The following C8orf34 variants were observed in gnomAD, a reference collection of about 807,000 sequenced individuals.
C8orf34 encodes chromosome 8 open reading frame 34.
Under a neutral mutation model 68.3 loss-of-function variants are expected in C8orf34, and 65 were observed. That is an observed-to-expected ratio of 0.95 (90% CI 0.78 to 1.17). The LOEUF (loss-of-function observed/expected upper bound fraction) is 1.17. C8orf34 is among the 50% of genes most tolerant of loss of function. The pLI, the probability that C8orf34 is intolerant of heterozygous loss-of-function variation, is 0.00. For synonymous variants in C8orf34, 244 were observed against 241.2 expected, an observed-to-expected ratio of 1.01 and a Z score of -0.11; for missense variants, 664 against 655.4, an observed-to-expected ratio of 1.01 and a Z score of -0.14.
At chr8:68,433,840 G>A (rs936098441) in intron 1 of C8orf34, among the ~76,000 whole-genome samples, 4 of 152,080 alleles carry the variant, frequency 2.6e-5, no homozygotes, top group African/African-American at 9.7e-5. Context: ...AGTCTATGAT[G>A]AGTTACCAAC....
At chr8:68,606,075 A>C (rs1345535358) in intron 7 of C8orf34, among the ~76,000 whole-genome samples, 1 of 152,144 alleles carries the variant, frequency 6.6e-6, no homozygotes, top group African/African-American at 2.4e-5. Context: ...TCATGAAGTC[A>C]GGGATAAAGC....
At chr8:68,396,031 A>T (rs2129621019) in intron 1 of C8orf34, among the ~76,000 whole-genome samples, 1 of 152,202 alleles carries the variant, frequency 6.6e-6, no homozygotes, top group Non-Finnish European at 1.5e-5. Context: ...ACCAAATGGC[A>T]TATTATTATA....
At chr8:68,553,488 A>T (rs926490881) in intron 7 of C8orf34, among the ~76,000 whole-genome samples, 2 of 151,982 alleles carry the variant, frequency 1.3e-5, no homozygotes, top group Admixed American at 6.6e-5. Context: ...GAATTCTCCA[A>T]TGAAGCCATC....
At chr8:68,684,848 C>T (rs972892495) in intron 8 of C8orf34, among the ~76,000 whole-genome samples, 5 of 151,828 alleles carry the variant, frequency 3.3e-5, no homozygotes, top group East Asian at 1.9e-4. Flanking sequence ...GGTCTTACTC[C>T]GTCACCCAGG....
At chr8:68,635,400 T>C (rs1818806658) in intron 7 of C8orf34, among the ~76,000 whole-genome samples, 2 of 152,148 alleles carry the variant, frequency 1.3e-5, no homozygotes, top group South Asian at 4.1e-4. Context: ...TTCATATCAG[T>C]ATGAAAGACA....
chr8:68,342,972 G>A (rs963342321), intron 1 of C8orf34, among the ~76,000 whole-genome samples: 1 of 152,152 alleles, frequency 6.6e-6, no homozygotes, highest in African/African-American at 2.4e-5. Flanking sequence ...AAATTGTGAA[G>A]AGGAAAAGAA....
intron 9 of C8orf34, among the ~76,000 whole-genome samples, chr8:68,717,880 C>T (rs1821522137): frequency 6.6e-6 from 1 of 152,082 alleles, no homozygotes; most frequent in Non-Finnish European, 1.5e-5. Context: ...ATGGCATGTT[C>T]TTATGATCGA....
intron 1 of C8orf34, among the ~76,000 whole-genome samples, chr8:68,430,186 T>A (rs893561520): frequency 1.3e-5 from 2 of 151,894 alleles, no homozygotes; most frequent in Non-Finnish European, 2.9e-5. Flanking sequence ...AATAAAAAAA[T>A]TAAAAAAAAC....
intron 1 of C8orf34, among the ~76,000 whole-genome samples, chr8:68,407,278 T>C (rs939939683): frequency 1.3e-5 from 2 of 151,958 alleles, no homozygotes; most frequent in Non-Finnish European, 2.9e-5. Flanking sequence ...GTAAGGGAGA[T>C]AAAGTCTTCG....
rs35940049 is a variant in C8orf34 at position 68,395,356 on chromosome 8, GTCTC to G, written c.328-44140_328-44137del. ...ATGCACTCTCTCTTTCTCTCTGTGTGTCTCTCACACACACACACACACACACACA... is the reference window on the plus strand; with the variant it reads ...ATGCACTCTCTCTTTCTCTCTGTGTGTCACACACACACACACACACACACA... On this transcript the variant is annotated intron_variant, in intron 1 of 13. Transcript: ENST00000518698. Among the ~76,000 whole-genome samples, 21 of 54,252 alleles carry G rather than the reference GTCTC, an allele frequency of 3.9e-4. 1 individual carries two copies. Among genetic ancestry groups the G allele is most frequent in the African/African-American group, 6.7e-4 (6 of 8,930 alleles). The allele number at this position is 54,252 out of a possible 152,430, so 35.6% of individuals were successfully genotyped here.
intron 1 of C8orf34, among the ~76,000 whole-genome samples, chr8:68,424,682 C>T (rs7832781): frequency 0.4 from 61,021 of 151,960 alleles, 12,398 homozygotes; most frequent in Non-Finnish European, 0.45. Context: ...GGGCAGATCA[C>T]GAGGTCAGGA....
intron 7 of C8orf34, among the ~76,000 whole-genome samples, chr8:68,579,052 G>A (rs1313500530): frequency 6.6e-6 from 1 of 152,060 alleles, no homozygotes; most frequent in African/African-American, 2.4e-5. Flanking sequence ...GAATTAAGGA[G>A]TGACACCTAC....
intron 10 of C8orf34, among the ~76,000 whole-genome samples, chr8:68,765,408 G>C (rs1823142804): frequency 6.6e-6 from 1 of 152,184 alleles, no homozygotes; most frequent in Non-Finnish European, 1.5e-5. Flanking sequence ...CTAATGACCA[G>C]CACCCATTAA....
At chr8:68,567,219 A>G (rs185423276) in intron 7 of C8orf34, among the ~76,000 whole-genome samples, 1 of 152,068 alleles carries the variant, frequency 6.6e-6, no homozygotes, top group East Asian at 1.9e-4. Context: ...TTCTTCTTTG[A>G]ATGTCTTGTA....
chr8:68,660,109 G>T (rs980828875), intron 8 of C8orf34, among the ~76,000 whole-genome samples: 14 of 152,124 alleles, frequency 9.2e-5, no homozygotes, highest in Admixed American at 4.6e-4. Context: ...GAGTGTCTGT[G>T]GTACAGGGAC....
intron 8 of C8orf34, among the ~76,000 whole-genome samples, chr8:68,671,373 G>A (rs1002142457): frequency 2.0e-5 from 3 of 152,170 alleles, no homozygotes; most frequent in Non-Finnish European, 4.4e-5. Context: ...GTTGAAAATT[G>A]TGCTGGTGCC....
At chr8:68,384,346 T>G (rs1176185110) in intron 1 of C8orf34, among the ~76,000 whole-genome samples, 2 of 152,238 alleles carry the variant, frequency 1.3e-5, no homozygotes, top group African/African-American at 4.8e-5. Flanking sequence ...TCTTGCTGTT[T>G]GCATCACTTC....
At chr8:68,655,682 A>AT (rs1018659292) in intron 8 of C8orf34, among the ~76,000 whole-genome samples, 1 of 152,196 alleles carries the variant, frequency 6.6e-6, no homozygotes, top group African/African-American at 2.4e-5. Flanking sequence ...AGGTGTATTA[A>AT]ATGCATTTTT....
intron 1 of C8orf34, among the ~76,000 whole-genome samples, chr8:68,427,438 A>G (rs1291799904): frequency 1.3e-5 from 2 of 152,218 alleles, no homozygotes; most frequent in Non-Finnish European, 2.9e-5. Context: ...TTAAAAGCAA[A>G]TATCAAAAAG....
Sources: gnomAD v4.1 joint callset for allele counts (sites outside exome capture counted in the v4.1 genomes callset) on GRCh38, gnomAD v4.1.1 for gene constraint, MANE v1.5 for transcripts, NCBI Gene and HGNC (gene_info 2026-07-23, HGNC 2026-07-21) for gene names.